The following COL5A2 variants were observed in gnomAD, a reference collection of about 807,000 sequenced individuals.
COL5A2 encodes collagen alpha-2(V) chain.
Under a neutral mutation model 208.2 loss-of-function variants are expected in COL5A2, and 23 were observed. The observed-to-expected ratio is 0.11, with a 90% CI of 0.08 to 0.16. The LOEUF is 0.16. COL5A2 is among the 10% of genes least tolerant of loss of function. The pLI, the probability that COL5A2 is intolerant of heterozygous loss-of-function variation, is 1.00. For missense variants in COL5A2, 1,590 were observed against 1,956.4 expected (o/e 0.81, Z 3.53); for synonymous variants, 625 against 628.5 (o/e 0.99, Z 0.08).
chr2:189,183,754 A>C (rs1688812303), upstream of COL5A2, among the ~76,000 whole-genome samples: 1 of 152,126 alleles, frequency 6.6e-6, no homozygotes, highest in Admixed American at 6.5e-5. Context: ...ACTCCCAGTT[A>C]CCTACAAAAT....
At chr2:189,185,470 A>G (rs907785096) in intron 1 of COL5A2, among the ~76,000 whole-genome samples, 2 of 152,246 alleles carry the variant, frequency 1.3e-5, no homozygotes, top group Non-Finnish European at 2.9e-5. Flanking sequence ...GGAAATAGAA[A>G]GAAGCAGAAA....
At chr2:189,132,496 TTTAA>T (rs1166724228) in intron 1 of COL5A2, among the ~76,000 whole-genome samples, 1 of 152,222 alleles carries the variant, frequency 6.6e-6, no homozygotes, top group Non-Finnish European at 1.5e-5. Context: ...GTCAAGTATC[TTTAA>T]TATCTTTGGA....
At chr2:189,403,446 A>G in the COL5A2 span, among the ~76,000 whole-genome samples, 1 of 152,176 alleles carries the variant, frequency 6.6e-6, no homozygotes, top group Admixed American at 6.5e-5. Context: ...CACAACTTCC[A>G]ATACTATGTT....
chr2:189,384,048 G>A, the COL5A2 span, among the ~76,000 whole-genome samples: 1 of 151,856 alleles, frequency 6.6e-6, no homozygotes. Context: ...TTAACATAAT[G>A]CTCTCCATTT....
rs753764227 is a variant in COL5A2 at position 189,063,077 on chromosome 2, G to A, written c.1870-14C>T. ...CCCAGGGTCACCCTAAAGAATAAAT[G>A]AAACTTTTGTATAATTCCTTCAATT... is the stretch of plus-strand genomic sequence containing the variant. On this transcript the variant is annotated splice_polypyrimidine_tract_variant and intron_variant, in intron 27 of 53. Transcript: ENST00000374866. 1.2e-6 allele frequency: 2 copies of A among 1,614,070 alleles called. No homozygotes were observed. The highest frequency in any genetic ancestry group is 1.7e-6 in the Non-Finnish European group (2 of 1,179,936).
the COL5A2 span, among the ~76,000 whole-genome samples, chr2:189,261,765 A>T: frequency 6.6e-6 from 1 of 152,174 alleles, no homozygotes; most frequent in East Asian, 1.9e-4. Flanking sequence ...CTGGGGCAAA[A>T]TTGCCATGTC....
rs146285163 is a variant in COL5A2 at position 189,161,836 on chromosome 2, A to G, written c.97+17672T>C. 6.3e-3 allele frequency among the ~76,000 whole-genome samples: 957 copies of G among 152,294 alleles called. 15 individuals are homozygous for G. The highest frequency in any genetic ancestry group is 0.02 in the African/African-American group (845 of 41,560). On this transcript the variant is annotated intron_variant, in intron 1 of 53. Transcript: ENST00000374866. ...AAAACAGTGGGCAATAAATAAAAGGATTTATTGTGTGCTAAATGTGTTAAA... is the reference window on the plus strand; with the variant it reads ...AAAACAGTGGGCAATAAATAAAAGGGTTTATTGTGTGCTAAATGTGTTAAA...
At chr2:189,440,111 T>TA in the COL5A2 span, among the ~76,000 whole-genome samples, 2 of 152,226 alleles carry the variant, frequency 1.3e-5, no homozygotes, top group South Asian at 4.1e-4. Flanking sequence ...CCCCAAATAA[T>TA]AAAGTTTTGA....
intron 1 of COL5A2, among the ~76,000 whole-genome samples, chr2:189,171,752 T>G (rs1576572405): frequency 6.6e-6 from 1 of 152,172 alleles, no homozygotes; most frequent in East Asian, 1.9e-4. Flanking sequence ...AAGATTGGGG[T>G]TGAAGAGATG....
At chr2:189,319,507 CAGG>C in the COL5A2 span, among the ~76,000 whole-genome samples, 5,541 of 152,342 alleles carry the variant, frequency 0.036, 113 homozygotes, top group Admixed American at 0.05. Context: ...AACAGCACAC[CAGG>C]AGATTATATC....
chr2:189,186,419 C>A (rs937360458), intron 1 of COL5A2, among the ~76,000 whole-genome samples: 1 of 152,066 alleles, frequency 6.6e-6, no homozygotes, highest in Non-Finnish European at 1.5e-5. Context: ...GTATTAAGTA[C>A]TTACTATGTC....
intron 1 of COL5A2, among the ~76,000 whole-genome samples, chr2:189,148,277 A>T (rs1007916313): frequency 2.0e-5 from 3 of 152,176 alleles, no homozygotes; most frequent in Non-Finnish European, 4.4e-5. Flanking sequence ...AAATATGCAT[A>T]TATATAGTAG....
intron 1 of COL5A2, among the ~76,000 whole-genome samples, chr2:189,165,103 A>T (rs996266277): frequency 5.3e-5 from 8 of 152,234 alleles, no homozygotes; most frequent in African/African-American, 1.9e-4. Flanking sequence ...TACCAAAGGC[A>T]AATGTGCAAA....
chr2:189,270,738 T>G, the COL5A2 span, among the ~76,000 whole-genome samples: 1 of 152,164 alleles, frequency 6.6e-6, no homozygotes, highest in African/African-American at 2.4e-5. Flanking sequence ...GCAGATGACA[T>G]GATTGTATAT....
At chr2:189,239,689 C>G in the COL5A2 span, among the ~76,000 whole-genome samples, 1 of 151,216 alleles carries the variant, frequency 6.6e-6, no homozygotes, top group South Asian at 2.1e-4. Context: ...TTAATGGGTG[C>G]AGCACACCAG....
chr2:189,248,982 T>A, the COL5A2 span, among the ~76,000 whole-genome samples: 138,225 of 152,222 alleles, frequency 0.91, 63,331 homozygotes, highest in East Asian at 1. Flanking sequence ...TTGGGATAAA[T>A]TAATAGTTGG....
At chr2:189,091,789 A>C (rs1205039786) in intron 7 of COL5A2, among the ~76,000 whole-genome samples, 3 of 152,206 alleles carry the variant, frequency 2.0e-5, no homozygotes, top group African/African-American at 7.2e-5. Flanking sequence ...TGACATTAAC[A>C]ATTCAAAGAA....
At chr2:189,159,670 C>T (rs568398006) in intron 1 of COL5A2, among the ~76,000 whole-genome samples, 1 of 151,726 alleles carries the variant, frequency 6.6e-6, no homozygotes, top group Non-Finnish European at 1.5e-5. Flanking sequence ...GTTCTATCTT[C>T]CTCTTTATGC....
chr2:189,146,841 T>C (rs781458925), intron 1 of COL5A2, among the ~76,000 whole-genome samples: 1 of 152,076 alleles, frequency 6.6e-6, no homozygotes. Context: ...GAAACAAGCA[T>C]CTAAATCAAA....
Sources: gnomAD v4.1 joint callset for allele counts (sites outside exome capture counted in the v4.1 genomes callset) on GRCh38, gnomAD v4.1.1 for gene constraint, MANE v1.5 for transcripts, NCBI Gene and HGNC (gene_info 2026-07-23, HGNC 2026-07-21) for gene names.